CCDC102B: variants seen among roughly 807,000 people sequenced by gnomAD.
The protein encoded by CCDC102B is coiled-coil domain containing 102B, also known as coiled-coil domain-containing protein 102B.
In CCDC102B, 75 loss-of-function variants were observed where a neutral mutation model predicts 57.4. That is an observed-to-expected ratio of 1.31 (90% confidence interval 1.08 to 1.58). The LOEUF (loss-of-function observed/expected upper bound fraction) is 1.58. CCDC102B is among the 40% of genes most tolerant of loss of function. The probability of loss-of-function intolerance (pLI) is 0.00; values close to 1 mark genes in which losing one functional copy is unlikely to be tolerated. For missense variants in CCDC102B, 636 were observed against 582.6 expected, an observed-to-expected ratio of 1.09 and a Z score of -0.94; for synonymous variants, 206 against 201.9, an observed-to-expected ratio of 1.02 and a Z score of -0.17.
Position 68,894,357 on chromosome 18 carries a change from G to C in CCDC102B, c.1054-2862G>C, listed in dbSNP as rs148693056. Reference sequence around the variant, plus strand: ...TTACATTAAAATTTTCAGAAAACAGGTTTCAGTAATTTCTGCATTATCTGA... The same window carrying C: ...TTACATTAAAATTTTCAGAAAACAGCTTTCAGTAATTTCTGCATTATCTGA... On this transcript the variant is annotated intron_variant, in intron 5 of 7. Coordinates refer to ENST00000360242, the MANE Select transcript of CCDC102B (RefSeq NM_024781.3). 2.3e-3 allele frequency among the ~76,000 whole-genome samples: 349 copies of C among 152,102 alleles called. 3 individuals carry two copies. Among genetic ancestry groups the C allele is most frequent in the African/African-American group, 8.1e-3 (335 of 41,538 alleles).
In CCDC102B at chr18:68,729,527, C is replaced by T. The variant is rs575167687; in HGVS notation, c.-67+12933C>T. ...AATTCAGGCATTAATGGAAACTTGA[C>T]GCATGACTTGATATATCACGTTGGA... On this transcript the variant is annotated intron_variant, in intron 2 of 3. Coordinates refer to the CCDC102B transcript ENST00000578970. 2.6e-5 allele frequency among the ~76,000 whole-genome samples: 4 copies of T among 152,252 alleles called. No homozygotes were observed. The South Asian group carries it at 6.2e-4, about 24-fold the overall frequency.
chr18:68,933,109 T>A (rs1162510522), intron 6 of CCDC102B, among the ~76,000 whole-genome samples: 1 of 149,078 alleles, frequency 6.7e-6, no homozygotes, highest in Admixed American at 6.7e-5. Context: ...AAAAAAAAAA[T>A]ATTAGGAAGA....
At chr18:68,735,409 A>C (rs535356376) in intron 2 of CCDC102B, among the ~76,000 whole-genome samples, 1 of 152,306 alleles carries the variant, frequency 6.6e-6, no homozygotes, top group Admixed American at 6.5e-5. Context: ...TTTTATATCC[A>C]ACATTCTTTT....
At chr18:69,046,023 T>C (rs955622726) in intron 7 of CCDC102B, among the ~76,000 whole-genome samples, 2 of 152,048 alleles carry the variant, frequency 1.3e-5, no homozygotes, top group Admixed American at 1.3e-4. Context: ...TATAAGTTGA[T>C]TGTCTTTGCT....
intron 5 of CCDC102B, among the ~76,000 whole-genome samples, chr18:68,883,551 A>G (rs1735899459): frequency 6.6e-6 from 1 of 152,224 alleles, no homozygotes; most frequent in Non-Finnish European, 1.5e-5. Flanking sequence ...CTTCTCACAT[A>G]GCCAGCCAAT....
Position 68,883,140 on chromosome 18 carries a change from G to T in CCDC102B, c.1053+8355G>T, listed in dbSNP as rs2039752903. On this transcript the variant is annotated intron_variant, in intron 5 of 7. Transcript: ENST00000360242. Reference sequence around the variant, plus strand: ...CCAAACTTAAAAGTATATATAAAAGGCTGGGCATGGTGGCTCATGCCTGTA... The same window carrying T: ...CCAAACTTAAAAGTATATATAAAAGTCTGGGCATGGTGGCTCATGCCTGTA... Among the ~76,000 whole-genome samples the T allele has an allele frequency of 2.0e-5, 3 of 152,184 alleles. No individual in the cohort carries two copies. In the South Asian group the frequency reaches 6.2e-4, roughly 32 times the overall value.
intron 6 of CCDC102B, among the ~76,000 whole-genome samples, chr18:68,999,956 T>C (rs887397443): frequency 2.6e-5 from 4 of 152,208 alleles, no homozygotes; most frequent in African/African-American, 9.6e-5. Flanking sequence ...AGAAAAGGCA[T>C]TCATTTCTTT....
intron 7 of CCDC102B, among the ~76,000 whole-genome samples, chr18:69,038,049 A>C (rs1487626376): frequency 2.0e-5 from 3 of 152,046 alleles, no homozygotes; most frequent in Admixed American, 1.3e-4. Flanking sequence ...ATGTTTAAGC[A>C]ACCAAATGAA....
chr18:68,816,838 C>G (rs1390840615), intron 1 of CCDC102B, among the ~76,000 whole-genome samples: 1 of 152,100 alleles, frequency 6.6e-6, no homozygotes. Context: ...ATTTTAAGAT[C>G]AGTAATAATG....
chr18:68,890,164 T>C (rs568279882), intron 5 of CCDC102B, among the ~76,000 whole-genome samples: 1 of 152,320 alleles, frequency 6.6e-6, no homozygotes, highest in South Asian at 2.1e-4. Flanking sequence ...TACCTTTTTT[T>C]TTTAAACCTG....
At chr18:68,852,896 T>C (rs1340772422) in intron 4 of CCDC102B, among the ~76,000 whole-genome samples, 1 of 152,180 alleles carries the variant, frequency 6.6e-6, no homozygotes, top group Non-Finnish European at 1.5e-5. Flanking sequence ...TAAAAAAGTT[T>C]GAGTTTCAGG....
chr18:68,901,183 G>T (rs559365349), intron 6 of CCDC102B, among the ~76,000 whole-genome samples: 1 of 152,156 alleles, frequency 6.6e-6, no homozygotes, highest in African/African-American at 2.4e-5. Context: ...CTTGATGTGC[G>T]TGTGTGATAA....
chr18:68,852,070 T>G (rs2038152673), intron 4 of CCDC102B, among the ~76,000 whole-genome samples: 1 of 152,160 alleles, frequency 6.6e-6, no homozygotes, highest in Non-Finnish European at 1.5e-5. Context: ...TTCTTCGTGT[T>G]GAAAAGGAGA....
chr18:68,874,653 C>T lies in CCDC102B; in HGVS notation c.937-16C>T, dbSNP rs1444944888. The T allele has an allele frequency of 2.0e-6, 3 of 1,519,458 alleles. No homozygotes were observed. The highest frequency in any genetic ancestry group is 1.1e-5 in the South Asian group (1 of 88,870). 94.1% of individuals were successfully genotyped at this position (1,519,458 alleles called of 1,614,324 possible). ...ATATAGCATCCTGTGATTGTAATTT[C>T]AACTTTCTTTTTCAGTTTGACATTC... On this transcript the variant is annotated splice_polypyrimidine_tract_variant and intron_variant, in intron 4 of 7. Coordinates refer to ENST00000360242, the MANE Select transcript of CCDC102B (RefSeq NM_024781.3).
intron 4 of CCDC102B, among the ~76,000 whole-genome samples, chr18:68,872,261 T>G (rs1447718659): frequency 6.6e-6 from 1 of 152,066 alleles, no homozygotes; most frequent in Non-Finnish European, 1.5e-5. Context: ...AACTAGAGGC[T>G]GGAGACAGAC....
chr18:69,012,327 C>A (rs1221670278), intron 7 of CCDC102B, among the ~76,000 whole-genome samples: 1 of 152,024 alleles, frequency 6.6e-6, no homozygotes, highest in Non-Finnish European at 1.5e-5. Flanking sequence ...TCAATATCGG[C>A]TTTAAGATAT....
intron 6 of CCDC102B, among the ~76,000 whole-genome samples, chr18:68,964,196 C>A (rs2050114928): frequency 6.6e-6 from 1 of 151,864 alleles, no homozygotes; most frequent in Non-Finnish European, 1.5e-5. Flanking sequence ...TTATCGTTTG[C>A]AGTACATTCT....
At position 68,846,390 on chromosome 18, in the gene CCDC102B, T is replaced by C; in HGVS notation, c.905T>C (p.Leu302Pro). The C allele has an allele frequency of 6.3e-7, 1 of 1,587,112 alleles. No individual in the cohort carries two copies. Among genetic ancestry groups the C allele is most frequent in the South Asian group, 1.1e-5 (1 of 87,560 alleles). ...CTGTGGAAGTGGAAGTATGAAGAAC[T>C]GAAAGAATCAAAGCCAAAAAATGTG... ...LSLWKWKYEELKESKPKNVKE... is the reference protein window; with the variant it reads ...LSLWKWKYEEPKESKPKNVKE... The change falls in exon 4 of 8, where the codon CTG (leucine) becomes CCG (proline). Residue 302 changes from leucine (L) to proline (P), a missense_variant. Physicochemically the swap from Leu to Pro is moderately conservative, Grantham distance 98. Coordinates refer to ENST00000360242, the MANE Select transcript of CCDC102B (RefSeq NM_024781.3).
chr18:69,004,721 G>A (rs2051294708), intron 6 of CCDC102B, among the ~76,000 whole-genome samples: 1 of 151,804 alleles, frequency 6.6e-6, no homozygotes, highest in African/African-American at 2.4e-5. Context: ...GACCTCTACT[G>A]GATTCTAAGC....
Sources: allele counts gnomAD v4.1 joint callset (sites outside exome capture counted in the v4.1 genomes callset), GRCh38; gene constraint gnomAD v4.1.1; transcripts MANE v1.5; gene names NCBI Gene and HGNC (gene_info 2026-07-23, HGNC 2026-07-21).